Variants in MSH3 observed in about 807,000 individuals in gnomAD.
MSH3 encodes the protein mutS homolog 3, also known as DNA mismatch repair protein Msh3.
A neutral mutation model predicts 123.3 loss-of-function variants in MSH3; 106 were observed. The ratio of observed to expected loss-of-function variants is 0.86; its 90% CI spans 0.73 to 1.01. The LOEUF (loss-of-function observed/expected upper bound fraction) is 1.01, where lower values mean the gene tolerates loss of function less well. Ranked by LOEUF, MSH3 falls within the 50% of genes least tolerant of loss-of-function variation. The pLI is 0.00. For missense variants in MSH3, 1,459 were observed against 1,347.6 expected (o/e 1.08, Z -1.29); for synonymous variants, 515 against 481.4 (o/e 1.07, Z -0.91).
rs188387771 is a variant in MSH3, at chr5:80,775,526, A to G, written c.2254-168A>G. ...CTTTGTCCCAAGTAGTGAACCCTTA[A>G]TTAATAATATTTGTCTGTATTGACA... On this transcript the variant is annotated intron_variant, in intron 15 of 23. Coordinates refer to ENST00000265081, the MANE Select transcript of MSH3 (RefSeq NM_002439.5). 1.5e-3 allele frequency among the ~76,000 whole-genome samples: 222 copies of G among 152,264 alleles called. 1 individual carries two copies. Among genetic ancestry groups the G allele is most frequent in the Non-Finnish European group, 2.4e-3 (166 of 67,994 alleles).
intron 12 of MSH3, among the ~76,000 whole-genome samples, chr5:80,758,214 A>G (rs931312491): frequency 6.6e-6 from 1 of 152,138 alleles, no homozygotes; most frequent in Non-Finnish European, 1.5e-5. Context: ...TTACATATCT[A>G]TGCCCTAAGG....
At chr5:80,743,255 G>T (rs1743649709) in intron 11 of MSH3, among the ~76,000 whole-genome samples, 2 of 152,110 alleles carry the variant, frequency 1.3e-5, no homozygotes, top group Non-Finnish European at 2.9e-5. Flanking sequence ...TGTGGTCTCA[G>T]GAGCAGTGCT....
chr5:80,763,258 A>C (rs923744217), intron 13 of MSH3, among the ~76,000 whole-genome samples: 1 of 152,202 alleles, frequency 6.6e-6, no homozygotes, highest in Non-Finnish European at 1.5e-5. Context: ...TTCTAAGAAT[A>C]CTTGAGGTGC....
At chr5:80,730,593 C>G (rs1423848984) in intron 10 of MSH3, among the ~76,000 whole-genome samples, 1 of 151,900 alleles carries the variant, frequency 6.6e-6, no homozygotes, top group Non-Finnish European at 1.5e-5. Flanking sequence ...ACTTTAAGCT[C>G]CAAAAATAAA....
At position 80,749,094 on chromosome 5, in the gene MSH3, G is replaced by T. The variant is rs376409093; in HGVS notation, c.1763+4479G>T. Among the ~76,000 whole-genome samples the T allele has an allele frequency of 1.6e-4, 24 of 151,970 alleles. 1 individual carries two copies. Among genetic ancestry groups the T allele is most frequent in the African/African-American group, 5.8e-4 (24 of 41,440 alleles). On this transcript the variant is annotated intron_variant, in intron 12 of 23. Transcript: ENST00000265081. ...AATAATTGTATATATTTGTATTAGG[G>T]TTCTGTAGAGGGAGAGAACTAATAG...
chr5:80,860,118 A>G (rs1284560796), intron 21 of MSH3, among the ~76,000 whole-genome samples: 1 of 152,104 alleles, frequency 6.6e-6, no homozygotes, highest in Admixed American at 6.5e-5. Context: ...AAGCATATAT[A>G]TATATATAAA....
intron 8 of MSH3, among the ~76,000 whole-genome samples, chr5:80,682,643 C>T (rs975721637): frequency 6.6e-6 from 1 of 152,134 alleles, no homozygotes; most frequent in Non-Finnish European, 1.5e-5. Flanking sequence ...GAGATACTTT[C>T]ATACAGGCAT....
intron 8 of MSH3, among the ~76,000 whole-genome samples, chr5:80,697,718 C>A (rs1313761477): frequency 6.6e-6 from 1 of 151,956 alleles, no homozygotes; most frequent in Non-Finnish European, 1.5e-5. Context: ...GAAAAAAAAT[C>A]CAAACTTGAG....
At position 80,768,914 on chromosome 5, in the gene MSH3, G is replaced by T. The variant is rs766237486; in HGVS notation, c.2164G>T (p.Val722Phe). The change falls in exon 15 of 24, where the codon GTT becomes TTT. Residue 722 changes from valine (V) to phenylalanine (F), a missense_variant. Physicochemically the swap from Val to Phe is conservative, Grantham distance 50. Coordinates refer to ENST00000265081, the MANE Select transcript of MSH3 (RefSeq NM_002439.5). The stretch of plus-strand genomic sequence containing the variant: ...AAAGAGGAAGGATGAAATTCAAGGT[G>T]TTATTGACGAGATCCGAATGCATTT... ...IKKRKDEIQG[V>F]IDEIRMHLQE... is the part of the protein sequence containing the mutation. The T allele has an allele frequency of 2.5e-6, 4 of 1,612,354 alleles. No individual in the cohort carries two copies. Among genetic ancestry groups the T allele is most frequent in the Non-Finnish European group, 2.5e-6 (3 of 1,178,776 alleles).
intron 13 of MSH3, among the ~76,000 whole-genome samples, 199 bp downstream of exon 13, chr5:80,761,877 A>C (rs1355386328): frequency 2.0e-5 from 3 of 152,140 alleles, no homozygotes; most frequent in Non-Finnish European, 4.4e-5. Flanking sequence ...TAGAAAATAA[A>C]GTTTTCTCAT....
chr5:80,665,043 T>C (rs1180932531), intron 2 of MSH3, 100 bp from the exon 3 acceptor site: 2 of 828,090 alleles, frequency 2.4e-6, no homozygotes, highest in East Asian at 5.3e-5. Context: ...CATTGCTTTA[T>C]TGGGAATCTA....
At chr5:80,678,004 G>A (rs1749880940) in intron 7 of MSH3, among the ~76,000 whole-genome samples, 1 of 152,166 alleles carries the variant, frequency 6.6e-6, no homozygotes, top group Admixed American at 6.5e-5. Flanking sequence ...ATCCTTGGGG[G>A]AGGAATTGCT....
chr5:80,671,099 G>A (rs771968520), intron 4 of MSH3, among the ~76,000 whole-genome samples: 6 of 148,854 alleles, frequency 4.0e-5, no homozygotes, highest in Non-Finnish European at 5.9e-5. Flanking sequence ...CTCTAGCCTG[G>A]GCGGCACAGC....
chr5:80,854,090 A>G, intron 20 of MSH3, 40 bp from the exon 21 acceptor site: 2 of 1,516,920 alleles, frequency 1.3e-6, no homozygotes, highest in East Asian at 2.3e-5. Context: ...CTAATAAGAA[A>G]GTGAAGAGGA....
chr5:80,748,218 T>C (rs1743756475), intron 12 of MSH3, among the ~76,000 whole-genome samples: 1 of 152,216 alleles, frequency 6.6e-6, no homozygotes, highest in Admixed American at 6.5e-5. Flanking sequence ...CCTCTTTGTA[T>C]TTTTATCTTG....
chr5:80,852,781 G>A (rs1458642367), intron 20 of MSH3, among the ~76,000 whole-genome samples: 1 of 152,218 alleles, frequency 6.6e-6, no homozygotes, highest in Non-Finnish European at 1.5e-5. Context: ...TAGGGCTTCA[G>A]CCACACAGCT....
chr5:80,838,748 G>T (rs1027023786), intron 20 of MSH3, among the ~76,000 whole-genome samples: 11 of 151,928 alleles, frequency 7.2e-5, no homozygotes, highest in African/African-American at 2.7e-4. Context: ...AAAGTTATCC[G>T]ACTTGCCTAA....
At chr5:80,859,120 CAT>C (rs144835329) in intron 21 of MSH3, among the ~76,000 whole-genome samples, 25 of 149,402 alleles carry the variant, frequency 1.7e-4, no homozygotes, top group Admixed American at 2.7e-4. Context: ...TATCTTCCTC[CAT>C]ATATATATAT....
At chr5:80,807,190 CAAA>C (rs34405208) in intron 19 of MSH3, among the ~76,000 whole-genome samples, 104 of 91,434 alleles carry the variant, frequency 1.1e-3, no homozygotes, top group Non-Finnish European at 1.8e-3. Flanking sequence ...TACCCTGTCT[CAAA>C]AAAAAAAAAA....
Sources: allele counts gnomAD v4.1 joint callset (sites outside exome capture counted in the v4.1 genomes callset), GRCh38; gene constraint gnomAD v4.1.1; transcripts MANE v1.5; gene names NCBI Gene and HGNC (gene_info 2026-07-23, HGNC 2026-07-21).